The following FAM174A variants were observed in gnomAD, a reference collection of about 807,000 sequenced individuals.
FAM174A encodes membrane protein FAM174A.
Under a neutral mutation model 14.3 loss-of-function variants are expected in FAM174A, and 14 were observed. That is an observed-to-expected ratio of 0.98 (90% CI 0.65 to 1.53). The LOEUF (loss-of-function observed/expected upper bound fraction) is 1.53, where lower values mean the gene tolerates loss of function less well. Ranked by LOEUF, FAM174A falls within the 40% of genes most tolerant of loss-of-function variation. FAM174A has a pLI of 0.00. For missense variants in FAM174A, 241 were observed against 249.6 expected (o/e 0.97, Z 0.23); for synonymous variants, 108 against 111.4 (o/e 0.97, Z 0.19).
At chr5:100,544,371 C>T (rs879697288) in intron 1 of FAM174A, among the ~76,000 whole-genome samples, 1 of 151,416 alleles carries the variant, frequency 6.6e-6, no homozygotes, top group African/African-American at 2.4e-5. Flanking sequence ...TGTACCCCTG[C>T]ATTTGTACTC....
intron 1 of FAM174A, among the ~76,000 whole-genome samples, chr5:100,557,954 C>T (rs1201425684): frequency 1.3e-5 from 2 of 151,996 alleles, no homozygotes; most frequent in Non-Finnish European, 2.9e-5. Context: ...CTGCTCTGAT[C>T]TTAGTTATTT....
intron 1 of FAM174A, among the ~76,000 whole-genome samples, chr5:100,560,488 T>C (rs189391609): frequency 2.2e-4 from 34 of 152,182 alleles, no homozygotes; most frequent in Admixed American, 3.9e-4. Flanking sequence ...ACTTTAGACG[T>C]GTATATAGAT....
chr5:100,557,681 G>A (rs969884624), intron 1 of FAM174A, among the ~76,000 whole-genome samples: 4 of 151,958 alleles, frequency 2.6e-5, no homozygotes, highest in African/African-American at 7.2e-5. Context: ...TGTATGTGTC[G>A]AGGAATTTAT....
intron 1 of FAM174A, among the ~76,000 whole-genome samples, chr5:100,548,933 T>G (rs1308077764): frequency 6.6e-6 from 1 of 152,100 alleles, no homozygotes; most frequent in Non-Finnish European, 1.5e-5. Flanking sequence ...ACTTATGAAA[T>G]AGAAGCTTTA....
rs1745923199 is a variant in FAM174A at position 100,535,582 on chromosome 5, C to T, written c.52C>T (p.Leu18Phe). 1.2e-6 allele frequency: 2 copies of T among 1,613,154 alleles called. No homozygotes were observed. The highest frequency in any genetic ancestry group is 3.3e-5 in the Admixed American group (2 of 60,030). ...TCTCAGCCACCTCTTGGCTTCCGTCCTCCTCCTGCTGTTGCTGCCTGAACT... is the reference window on the plus strand; with the variant it reads ...TCTCAGCCACCTCTTGGCTTCCGTCTTCCTCCTGCTGTTGCTGCCTGAACT... The part of the protein sequence containing the change: ...CCLSHLLASV[L>F]LLLLLPELSG... Residue 18 changes from leucine (L) to phenylalanine (F), a missense_variant, in exon 1 of 3, where the codon CTC becomes TTC. Transcript: ENST00000312637.
intron 1 of FAM174A, among the ~76,000 whole-genome samples, chr5:100,554,832 C>A (rs1209117527): frequency 6.6e-6 from 1 of 151,886 alleles, no homozygotes; most frequent in Non-Finnish European, 1.5e-5. Context: ...GGGTGGTAAA[C>A]AAAATGAAAA....
chr5:100,567,509 A>G (rs1746687919), intron 2 of FAM174A, among the ~76,000 whole-genome samples: 1 of 151,886 alleles, frequency 6.6e-6, no homozygotes, highest in Admixed American at 6.6e-5. Flanking sequence ...GCATATATTC[A>G]TGCGTTACTT....
chr5:100,571,273 A>C (rs891702112), intron 2 of FAM174A, among the ~76,000 whole-genome samples: 1 of 151,734 alleles, frequency 6.6e-6, no homozygotes, highest in Non-Finnish European at 1.5e-5. Flanking sequence ...TATTTAAAAA[A>C]TCTGTGTAAC....
intron 2 of FAM174A, among the ~76,000 whole-genome samples, chr5:100,584,830 C>G (rs1273017287): frequency 3.3e-5 from 5 of 152,146 alleles, no homozygotes; most frequent in African/African-American, 1.2e-4. Flanking sequence ...GGCAGGCAAC[C>G]CCTGCTGCAG....
chr5:100,539,028 C>A (rs943729951), intron 1 of FAM174A, among the ~76,000 whole-genome samples: 16 of 151,952 alleles, frequency 1.1e-4, no homozygotes, highest in African/African-American at 3.9e-4. Flanking sequence ...GTTTTTTATT[C>A]AATTTGGTAT....
At chr5:100,564,906 C>T (rs1209223355) in intron 2 of FAM174A, among the ~76,000 whole-genome samples, 1 of 151,668 alleles carries the variant, frequency 6.6e-6, no homozygotes, top group Non-Finnish European at 1.5e-5. Context: ...AAGAAATGTC[C>T]AAGACCATAT....
intron 1 of FAM174A, among the ~76,000 whole-genome samples, chr5:100,549,373 A>G (rs1746219262): frequency 6.6e-6 from 1 of 152,296 alleles, no homozygotes; most frequent in Admixed American, 6.5e-5. Flanking sequence ...AGGAGATATG[A>G]CAAGGAAACT....
intron 2 of FAM174A, among the ~76,000 whole-genome samples, chr5:100,568,789 A>C (rs139726836): frequency 6.6e-6 from 1 of 151,906 alleles, no homozygotes; most frequent in Non-Finnish European, 1.5e-5. Flanking sequence ...GTCCAGTACT[A>C]AGGATATATA....
At chr5:100,537,273 T>G (rs1745960189) in intron 1 of FAM174A, among the ~76,000 whole-genome samples, 1 of 152,224 alleles carries the variant, frequency 6.6e-6, no homozygotes, top group Non-Finnish European at 1.5e-5. Context: ...TATTTTTTGT[T>G]TCTATTTTTT....
At position 100,562,140 on chromosome 5, in the gene FAM174A, A is replaced by T. The variant is rs1234684914; in HGVS notation, c.521A>T (p.Asp174Val). The change falls in exon 2 of 3, where the codon GAT becomes GTT. Residue 174 changes from aspartate to valine, a missense_variant. Asp to Val is a radical substitution (Grantham distance 152). Transcript: ENST00000312637. The stretch of plus-strand genomic sequence containing the variant: ...ATGGAATTGACACCTTTAGAACAGG[A>T]TGATGAGGATGATGACAACACGTTG... ...ENMELTPLEQ[D>V]DEDDDNTLFD... 5 of 1,586,112 alleles carry T rather than the reference A, an allele frequency of 3.2e-6. No homozygotes were observed. The highest frequency in any genetic ancestry group is 2.4e-5 in the East Asian group (1 of 42,496).
chr5:100,544,442 A>G (rs1746126536), intron 1 of FAM174A, among the ~76,000 whole-genome samples: 1 of 152,080 alleles, frequency 6.6e-6, no homozygotes, highest in Admixed American at 6.6e-5. Context: ...AGATCGAGAG[A>G]CAGAGAGAGA....
intron 1 of FAM174A, among the ~76,000 whole-genome samples, chr5:100,554,266 T>G (rs1335572576): frequency 6.6e-6 from 1 of 151,970 alleles, no homozygotes; most frequent in Non-Finnish European, 1.5e-5. Flanking sequence ...AATGATATGT[T>G]TCAAAAGCAC....
chr5:100,578,947 T>G (rs1470610181), intron 2 of FAM174A, among the ~76,000 whole-genome samples: 2 of 151,762 alleles, frequency 1.3e-5, no homozygotes, highest in African/African-American at 4.8e-5. Flanking sequence ...CATACCTATT[T>G]CAATATTTGT....
chr5:100,537,908 A>G (rs1745971000), intron 1 of FAM174A, among the ~76,000 whole-genome samples: 1 of 152,098 alleles, frequency 6.6e-6, no homozygotes, highest in African/African-American at 2.4e-5. Context: ...CTTTTTAATT[A>G]TTTTAAATAC....
Sources: allele counts gnomAD v4.1 joint callset (sites outside exome capture counted in the v4.1 genomes callset), GRCh38; gene constraint gnomAD v4.1.1; transcripts MANE v1.5; gene names NCBI Gene and HGNC (gene_info 2026-07-23, HGNC 2026-07-21).